Variants in NTRK3 observed in about 807,000 individuals in gnomAD.
NTRK3 encodes the protein NT-3 growth factor receptor.
A neutral mutation model predicts 91.7 loss-of-function variants in NTRK3; 24 were observed. The ratio of observed to expected loss-of-function variants is 0.26; its 90% confidence interval spans 0.19 to 0.37. NTRK3 has a LOEUF of 0.37. Among genes scored for constraint, NTRK3 ranks in the 10% least tolerant of loss-of-function variants. The pLI is 1.00. For synonymous variants in NTRK3, 483 were observed against 404.0 expected (o/e 1.20, Z -2.34); for missense variants, 880 against 1,068.9 (o/e 0.82, Z 2.46).
intron 17 of NTRK3, among the ~76,000 whole-genome samples, chr15:87,897,230 G>A (rs953425183): frequency 2.0e-5 from 3 of 152,106 alleles, no homozygotes; most frequent in African/African-American, 7.2e-5. Flanking sequence ...GCATCTGCCA[G>A]GAGCAAAGTT....
chr15:88,100,980 C>T (rs562500427), intron 13 of NTRK3, among the ~76,000 whole-genome samples: 1 of 152,220 alleles, frequency 6.6e-6, no homozygotes, highest in South Asian at 2.1e-4. Context: ...TCTAAAACAC[C>T]AAAAGCAATT....
chr15:88,066,041 G>A (rs564034696), intron 13 of NTRK3, among the ~76,000 whole-genome samples: 2 of 152,322 alleles, frequency 1.3e-5, no homozygotes, highest in South Asian at 4.1e-4. Flanking sequence ...ATCATGTGTA[G>A]AAGGCAAAAC....
chr15:88,190,422 C>T (rs2047295733), intron 3 of NTRK3, among the ~76,000 whole-genome samples: 1 of 152,212 alleles, frequency 6.6e-6, no homozygotes, highest in East Asian at 1.9e-4. Flanking sequence ...GCCTAATGAG[C>T]CTGCCAGGCT....
intron 17 of NTRK3, chr15:87,925,710 T>G (rs2068247682): frequency 5.4e-6 from 1 of 184,574 alleles, no homozygotes; most frequent in Non-Finnish European, 1.2e-5. Context: ...TGGACTTAGC[T>G]CTAGGATTCA....
chr15:87,944,969 C>CA (rs2070304234), intron 14 of NTRK3, among the ~76,000 whole-genome samples: 1 of 152,124 alleles, frequency 6.6e-6, no homozygotes, highest in African/African-American at 2.4e-5. Context: ...AACTACAGGC[C>CA]AAAAAGTGAT....
intron 13 of NTRK3, among the ~76,000 whole-genome samples, chr15:88,057,932 G>A (rs551716697): frequency 1.3e-5 from 2 of 152,324 alleles, no homozygotes; most frequent in East Asian, 3.9e-4. Flanking sequence ...GCCAGTATGG[G>A]GCTGACACAC....
intron 4 of NTRK3, 88 bp downstream of exon 4, chr15:88,184,137 T>TTTCTTGCGTGGG: frequency 7.8e-7 from 1 of 1,286,152 alleles, no homozygotes; most frequent in Non-Finnish European, 1.1e-6. Context: ...GCAGTCTTGC[T>TTTCTTGCGTGGG]GTGCCCCTCA....
At chr15:88,085,272 G>C (rs1395579200) in intron 13 of NTRK3, among the ~76,000 whole-genome samples, 4 of 152,218 alleles carry the variant, frequency 2.6e-5, no homozygotes, top group Non-Finnish European at 5.9e-5. Context: ...TAGATGGGAT[G>C]ATTGTTCAAC....
chr15:87,886,271 G>C (rs1252473403), intron 17 of NTRK3, among the ~76,000 whole-genome samples: 1 of 151,910 alleles, frequency 6.6e-6, no homozygotes, highest in Non-Finnish European at 1.5e-5. Context: ...CAACATTAAA[G>C]GTGCAAGTGA....
intron 17 of NTRK3, among the ~76,000 whole-genome samples, chr15:87,901,027 G>T (rs183590801): frequency 6.6e-6 from 1 of 152,286 alleles, no homozygotes; most frequent in East Asian, 1.9e-4. Context: ...ACTGGGTCCT[G>T]GGGTGCCTCT....
intron 14 of NTRK3, among the ~76,000 whole-genome samples, chr15:87,956,106 C>T (rs1430483820): frequency 6.6e-6 from 1 of 152,106 alleles, no homozygotes; most frequent in African/African-American, 2.4e-5. Flanking sequence ...TCTCCCTGGG[C>T]CTCCATTTCT....
At position 88,128,717 on chromosome 15, in the gene NTRK3, TAA is replaced by T; in HGVS notation, c.1220_1221del (p.Phe407TyrfsTer4). ...ACAGGTAAAGCAGACTTACACAAGA[TAA>T]AGTTATCCGTGCTCTCTGCAAAAAA... On this transcript the variant is annotated frameshift_variant, in exon 11 of 19. Transcript: ENST00000394480. LOFTEE classifies it high-confidence loss of function. The T allele has an allele frequency of 6.2e-7, 1 of 1,614,100 alleles. No individual in the cohort carries two copies. The highest frequency in any genetic ancestry group is 8.5e-7 in the Non-Finnish European group (1 of 1,179,956).
In NTRK3 at chr15:88,255,410, ATAGT is replaced by A. The variant is rs2053927426; in HGVS notation, c.248+492_248+495del. Among the ~76,000 whole-genome samples, 1 of 152,154 alleles carries A rather than the reference ATAGT, an allele frequency of 6.6e-6. No homozygotes were observed. Among genetic ancestry groups the A allele is most frequent in the African/African-American group, 2.4e-5 (1 of 41,454 alleles). On this transcript the variant is annotated intron_variant, in intron 3 of 18. Transcript: ENST00000394480. The surrounding 1 kb of genome is among the most constrained non-coding windows in gnomAD (Gnocchi z 4.3). ...CATGTTTTGCTGTTTCCAAATGGAA[ATAGT>A]TAAACACCTCGGCTGGATCGCGAGC...
chr15:87,889,945 CATTTATTTATTT>C (rs34147113), intron 17 of NTRK3, among the ~76,000 whole-genome samples: 41 of 139,254 alleles, frequency 2.9e-4, no homozygotes, highest in Admixed American at 1.1e-3. Context: ...CCCAACTTTC[CATTTATTTATTT>C]ATTTATTTAT....
chr15:88,001,579 A>G (rs2141627746), intron 14 of NTRK3, among the ~76,000 whole-genome samples: 1 of 152,260 alleles, frequency 6.6e-6, no homozygotes, highest in South Asian at 2.1e-4. Flanking sequence ...TCCCAGGACT[A>G]TTTGTTTAAA....
chr15:88,184,160 A>C, intron 4 of NTRK3, 65 bp downstream of exon 4: 3 of 1,516,720 alleles, frequency 2.0e-6, no homozygotes, highest in Non-Finnish European at 2.7e-6. Flanking sequence ...CCACCCCAGA[A>C]GGCAGACCAG....
intron 14 of NTRK3, among the ~76,000 whole-genome samples, chr15:88,026,668 A>G (rs1030639731): frequency 1.3e-5 from 2 of 152,194 alleles, no homozygotes; most frequent in Non-Finnish European, 2.9e-5. Context: ...GTGGTTCACC[A>G]ATTGCAACTA....
At chr15:88,252,703 C>T (rs1444092127) in intron 3 of NTRK3, 1 of 152,252 alleles carries the variant, frequency 6.6e-6, no homozygotes, top group Non-Finnish European at 1.5e-5. Flanking sequence ...CGCATGGACC[C>T]TTCCAGGCTC....
At chr15:88,202,065 A>G (rs2048350873) in intron 3 of NTRK3, among the ~76,000 whole-genome samples, 1 of 152,040 alleles carries the variant, frequency 6.6e-6, no homozygotes, top group Non-Finnish European at 1.5e-5. Flanking sequence ...CCTCTGAAGA[A>G]GGTCAGGGTT....
Sources: gnomAD v4.1 joint callset for allele counts (sites outside exome capture counted in the v4.1 genomes callset) on GRCh38, gnomAD v4.1.1 for gene constraint, Gnocchi (gnomAD v3.1) non-coding constraint, MANE v1.5 for transcripts, NCBI Gene and HGNC (gene_info 2026-07-23, HGNC 2026-07-21) for gene names.